PTBP3: variants seen among roughly 807,000 people sequenced by gnomAD.
PTBP3 encodes polypyrimidine tract binding protein 3, also known as polypyrimidine tract-binding protein 3.
Under a neutral mutation model 58.7 loss-of-function variants are expected in PTBP3, and 20 were observed. That is an observed-to-expected ratio of 0.34 (90% CI 0.24 to 0.50). PTBP3 has a LOEUF of 0.50. Ranked by LOEUF, PTBP3 falls within the 20% of genes least tolerant of loss-of-function variation. The pLI is 0.98. For synonymous variants in PTBP3, 185 were observed against 219.8 expected (o/e 0.84, Z 1.40); for missense variants, 509 against 637.2 (o/e 0.80, Z 2.17).
intron 1 of PTBP3, among the ~76,000 whole-genome samples, chr9:112,308,892 T>C (rs1829354591): frequency 6.6e-6 from 1 of 152,192 alleles, no homozygotes; most frequent in Non-Finnish European, 1.5e-5. Flanking sequence ...TATCAATTAC[T>C]GAAGCTCTCG....
chr9:112,263,118 T>C (rs1356196226), intron 4 of PTBP3, among the ~76,000 whole-genome samples: 1 of 152,100 alleles, frequency 6.6e-6, no homozygotes, highest in African/African-American at 2.4e-5. Flanking sequence ...TGCAAGGAAA[T>C]GTTCAAAGAA....
intron 7 of PTBP3, among the ~76,000 whole-genome samples, chr9:112,243,061 C>T (rs1835723575): frequency 6.7e-6 from 1 of 149,906 alleles, no homozygotes; most frequent in Non-Finnish European, 1.5e-5. Flanking sequence ...CTCCATTAAT[C>T]TATATATCTA....
chr9:112,314,656 C>CAAACA (rs777608089), intron 1 of PTBP3, among the ~76,000 whole-genome samples: 109 of 152,114 alleles, frequency 7.2e-4, no homozygotes, highest in African/African-American at 9.9e-4. Context: ...GACCCTGTCT[C>CAAACA]AAACAAAACA....
chr9:112,308,902 G>T (rs1459971969), intron 1 of PTBP3, among the ~76,000 whole-genome samples: 1 of 152,084 alleles, frequency 6.6e-6, no homozygotes, highest in African/African-American at 2.4e-5. Flanking sequence ...TGAAGCTCTC[G>T]CCTGCTGATG....
intron 7 of PTBP3, among the ~76,000 whole-genome samples, chr9:112,246,588 G>C (rs1412381062): frequency 6.6e-6 from 1 of 151,764 alleles, no homozygotes; most frequent in East Asian, 2.0e-4. Context: ...AGCTACTCAG[G>C]AGGTTGAGGC....
chr9:112,363,415 A>G, the PTBP3 span, among the ~76,000 whole-genome samples: 2 of 151,668 alleles, frequency 1.3e-5, no homozygotes, highest in Admixed American at 1.3e-4. Context: ...GTTACTCGGG[A>G]GGCTGAAGTG....
At chr9:112,340,675 G>C in the PTBP3 span, among the ~76,000 whole-genome samples, 1 of 152,088 alleles carries the variant, frequency 6.6e-6, no homozygotes, top group Non-Finnish European at 1.5e-5. Context: ...CTGAGGTCAG[G>C]AGTTTGAGAC....
In PTBP3 at chr9:112,234,892, G is replaced by T. The variant is rs1564394324; in HGVS notation, c.808C>A (p.Pro270Thr). ...GCATATGGTGAAGAAATTATACCCG[G>T]TGCACCTAATGGGAAAGAGAAGCTA... ...EPPMAAAFGA[P>T]GIISSPYAGA... Residue 270 changes from proline to threonine, a missense_variant, in exon 8 of 14, where the codon CCG becomes ACG. Pro to Thr is a conservative substitution (Grantham distance 38). Transcript: ENST00000374257. 6.2e-7 allele frequency: 1 copy of T among 1,611,558 alleles called. No individual in the cohort carries two copies. Among genetic ancestry groups the T allele is most frequent in the Admixed American group, 1.7e-5 (1 of 59,858 alleles).
At chr9:112,305,507 T>C (rs924579840) in intron 1 of PTBP3, among the ~76,000 whole-genome samples, 1 of 152,168 alleles carries the variant, frequency 6.6e-6, no homozygotes, top group African/African-American at 2.4e-5. Flanking sequence ...TAATACTCCT[T>C]GCCTACTGCC....
intron 6 of PTBP3, 87 bp downstream of exon 6, chr9:112,252,591 T>G (rs1836175074): frequency 9.8e-7 from 1 of 1,023,430 alleles, no homozygotes; most frequent in African/African-American, 1.6e-5. Context: ...CCACAATTTT[T>G]TTAAAAACAC....
chr9:112,317,928 G>A (rs1377908648), intron 1 of PTBP3, among the ~76,000 whole-genome samples: 1 of 152,122 alleles, frequency 6.6e-6, no homozygotes, highest in Non-Finnish European at 1.5e-5. Context: ...GGGTGACAGA[G>A]CTAGACTCAA....
At chr9:112,323,916 A>G (rs1479235186) in intron 1 of PTBP3, among the ~76,000 whole-genome samples, 1 of 152,220 alleles carries the variant, frequency 6.6e-6, no homozygotes, top group East Asian at 1.9e-4. Context: ...AGAACCAGGA[A>G]GCTCTGAGAA....
chr9:112,262,368 T>A, intron 5 of PTBP3, 67 bp downstream of exon 5: 1 of 1,335,312 alleles, frequency 7.5e-7, no homozygotes, highest in Non-Finnish European at 1.0e-6. Flanking sequence ...AACTTAGATA[T>A]AAAACATCAA....
the PTBP3 span, among the ~76,000 whole-genome samples, chr9:112,348,666 A>G: frequency 6.6e-6 from 1 of 152,262 alleles, no homozygotes; most frequent in African/African-American, 2.4e-5. Context: ...GAATCTCTCA[A>G]GTACCCGGCT....
intron 9 of PTBP3, 38 bp from the exon 10 acceptor site, chr9:112,231,451 T>C (rs1229167139): frequency 6.6e-7 from 1 of 1,512,904 alleles, no homozygotes; most frequent in Admixed American, 2.1e-5. Context: ...TCTGACAATT[T>C]AAGTAAAAAT....
intron 5 of PTBP3, among the ~76,000 whole-genome samples, chr9:112,256,272 A>AAATATATATATAT (rs1836347248): frequency 1.2e-5 from 1 of 82,964 alleles, no homozygotes; most frequent in Non-Finnish European, 2.1e-5. Flanking sequence ...AAAAAAACAA[A>AAATATATATATAT]ATATATATAT....
At chr9:112,302,511 C>G (rs913924273) in intron 1 of PTBP3, among the ~76,000 whole-genome samples, 2 of 150,444 alleles carry the variant, frequency 1.3e-5, no homozygotes, top group Non-Finnish European at 3.0e-5. Flanking sequence ...GGCACCTAGA[C>G]GAGGTGTTAA....
chr9:112,332,915 G>A lies in PTBP3; in HGVS notation c.-52+555C>T, dbSNP rs529390706. The A allele has an allele frequency of 8.3e-6, 13 of 1,563,856 alleles. No individual in the cohort carries two copies. The South Asian group carries it at 1.3e-4, about 16-fold the overall frequency. Reference sequence around the variant, plus strand: ...TCACAGCACAAGTCGGGAGACCTCGGCCAAGTCCCGCGGCGGCCCTGGGAC... The same window carrying A: ...TCACAGCACAAGTCGGGAGACCTCGACCAAGTCCCGCGGCGGCCCTGGGAC... On this transcript the variant is annotated intron_variant, in intron 1 of 13. Transcript: ENST00000374257.
chr9:112,300,534 C>T (rs1191243950), intron 1 of PTBP3, among the ~76,000 whole-genome samples: 1 of 152,068 alleles, frequency 6.6e-6, no homozygotes, highest in Non-Finnish European at 1.5e-5. Flanking sequence ...GGGCGGATCA[C>T]AAGGTCAGGA....
Sources: gnomAD v4.1 joint callset for allele counts (sites outside exome capture counted in the v4.1 genomes callset) on GRCh38, gnomAD v4.1.1 for gene constraint, MANE v1.5 for transcripts, NCBI Gene and HGNC (gene_info 2026-07-23, HGNC 2026-07-21) for gene names.